Variants in CHLSN observed in about 807,000 individuals in gnomAD.
CHLSN encodes the protein cholesin, also known as protein cholesin.
the CHLSN span, among the ~76,000 whole-genome samples, chr7:1,036,913 C>T: frequency 2.7e-5 from 4 of 147,758 alleles, no homozygotes; most frequent in African/African-American, 7.3e-5. Context: ...AGATGGAGAC[C>T]GGCCGGGGCA....
chr7:1,031,393 G>GC, the CHLSN span, among the ~76,000 whole-genome samples: 2 of 148,276 alleles, frequency 1.3e-5, no homozygotes, highest in Admixed American at 6.7e-5. Context: ...GAGTGGTCCG[G>GC]GGGGGCAGAG....
chr7:1,101,127 G>A, the CHLSN span, among the ~76,000 whole-genome samples: 49 of 152,362 alleles, frequency 3.2e-4, no homozygotes, highest in African/African-American at 1.1e-3. Flanking sequence ...GAGGGCAGGC[G>A]TGTACGTGCG....
chr7:983,232 G>T, the CHLSN span: 1 of 1,527,800 alleles, frequency 6.5e-7, no homozygotes, highest in Admixed American at 2.0e-5. Context: ...TGCTCTTGCT[G>T]TTCCTGGGCC....
At chr7:1,052,383 TG>T in the CHLSN span, among the ~76,000 whole-genome samples, 1 of 151,274 alleles carries the variant, frequency 6.6e-6, no homozygotes, top group Non-Finnish European at 1.5e-5. This position sits in a 1 kb window ranked among gnomAD's most constrained non-coding sequence, Gnocchi z 4.2. Context: ...GACGTGGGCC[TG>T]GGGAGGGACC....
At chr7:1,013,535 CCT>C in the CHLSN span, among the ~76,000 whole-genome samples, 2 of 152,228 alleles carry the variant, frequency 1.3e-5, no homozygotes, top group African/African-American at 4.8e-5. Flanking sequence ...CCCTGGAGCC[CCT>C]CTAGGCCCAG....
the CHLSN span, among the ~76,000 whole-genome samples, chr7:1,046,916 G>C: frequency 6.6e-6 from 1 of 152,238 alleles, no homozygotes; most frequent in South Asian, 2.1e-4. Flanking sequence ...CTGCGGCTCA[G>C]AGCACTTCCC....
chr7:1,101,251 G>A, the CHLSN span, among the ~76,000 whole-genome samples: 1 of 152,258 alleles, frequency 6.6e-6, no homozygotes, highest in Non-Finnish European at 1.5e-5. Flanking sequence ...GGAGGATGGA[G>A]CCTGGGAACA....
chr7:1,065,466 G>T, the CHLSN span, among the ~76,000 whole-genome samples: 1 of 152,280 alleles, frequency 6.6e-6, no homozygotes. Context: ...CGCATCGAAG[G>T]AATGCTACTC....
the CHLSN span, among the ~76,000 whole-genome samples, chr7:1,059,485 ATAGTGGGGCGGGTCCG>A: frequency 0.038 from 5,608 of 146,568 alleles, 339 homozygotes; most frequent in African/African-American, 0.13. Flanking sequence ...AGGAGGGTCC[ATAGTGGGGCGGGTCCG>A]TAGTGGGGCG....
chr7:1,011,525 A>T, the CHLSN span, among the ~76,000 whole-genome samples: 1 of 149,404 alleles, frequency 6.7e-6, no homozygotes, highest in Non-Finnish European at 1.5e-5. Context: ...CCACACCCAG[A>T]CACCTGCAGA....
the CHLSN span, among the ~76,000 whole-genome samples, chr7:1,131,144 C>T: frequency 1.4e-4 from 20 of 143,434 alleles, no homozygotes; most frequent in Non-Finnish European, 4.5e-5. Context: ...TGAGCCATGA[C>T]TGTACCACTG....
chr7:1,055,693 C>T, the CHLSN span, among the ~76,000 whole-genome samples: 44 of 152,300 alleles, frequency 2.9e-4, no homozygotes, highest in Admixed American at 7.8e-4. Flanking sequence ...CCTTGGCAAG[C>T]TCTGTGGGGT....
At chr7:997,846 G>A in the CHLSN span, 9 of 1,529,120 alleles carry the variant, frequency 5.9e-6, no homozygotes, top group Admixed American at 1.7e-4. Flanking sequence ...GCGGGGCAGG[G>A]AGGGGCCGCT....
At chr7:1,094,737 C>T in the CHLSN span, among the ~76,000 whole-genome samples, 2 of 152,078 alleles carry the variant, frequency 1.3e-5, no homozygotes, top group African/African-American at 4.8e-5. Context: ...CCAGTAAAAC[C>T]TCTCTCCTCC....
At chr7:1,100,881 G>A in the CHLSN span, among the ~76,000 whole-genome samples, 4 of 152,334 alleles carry the variant, frequency 2.6e-5, no homozygotes, top group East Asian at 1.9e-4. Flanking sequence ...CAAGTCTCCC[G>A]GGAACGGCTG....
the CHLSN span, among the ~76,000 whole-genome samples, chr7:1,000,199 CTG>C: frequency 6.6e-6 from 1 of 152,266 alleles, no homozygotes; most frequent in South Asian, 2.1e-4. Context: ...CCCCTTCAGA[CTG>C]TGGCTTCTGC....
chr7:1,063,531 G>A, the CHLSN span, among the ~76,000 whole-genome samples: 39 of 152,222 alleles, frequency 2.6e-4, 2 homozygotes, highest in East Asian at 1.9e-3. Flanking sequence ...TCAGGCGTTC[G>A]TGCACGAAGC....
chr7:1,104,467 G>A, the CHLSN span, among the ~76,000 whole-genome samples: 1 of 152,184 alleles, frequency 6.6e-6, no homozygotes, highest in African/African-American at 2.4e-5. Flanking sequence ...GAGGCCGGTG[G>A]CTCCAAGGTG....
At chr7:1,000,473 G>C in the CHLSN span, 1 of 1,602,286 alleles carries the variant, frequency 6.2e-7, no homozygotes, top group South Asian at 1.1e-5. Context: ...CACACACCTT[G>C]TCACTGTCAT....
Sources: allele counts gnomAD v4.1 joint callset (sites outside exome capture counted in the v4.1 genomes callset), GRCh38; gene constraint gnomAD v4.1.1; non-coding constraint Gnocchi (gnomAD v3.1); transcripts MANE v1.5; gene names NCBI Gene and HGNC (gene_info 2026-07-23, HGNC 2026-07-21).